Variants in TRMT10A observed in about 807,000 individuals in gnomAD.
The protein encoded by TRMT10A is tRNA methyltransferase 10A, also known as tRNA methyltransferase 10 homolog A.
In TRMT10A, 37 loss-of-function variants were observed where a neutral mutation model predicts 40.4. That is an observed-to-expected ratio of 0.92 (90% CI 0.71 to 1.21). The LOEUF (loss-of-function observed/expected upper bound fraction) is 1.21, where lower values mean the gene tolerates loss of function less well. TRMT10A is among the 50% of genes most tolerant of loss of function. The pLI is 0.00. For missense variants in TRMT10A, 388 were observed against 404.3 expected, an observed-to-expected ratio of 0.96 and a Z score of 0.35; for synonymous variants, 103 against 134.1, an observed-to-expected ratio of 0.77 and a Z score of 1.60.
intron 6 of TRMT10A, among the ~76,000 whole-genome samples, chr4:99,553,399 A>T (rs750362975): frequency 1.3e-5 from 2 of 152,222 alleles, no homozygotes; most frequent in African/African-American, 2.4e-5. Context: ...AACTAGTTTA[A>T]GTTCCAATGG....
chr4:99,548,860 A>C lies in TRMT10A; in HGVS notation c.*228T>G. On this transcript the variant is annotated 3_prime_UTR_variant, in exon 8 of 8. Coordinates refer to ENST00000394876, the MANE Select transcript of TRMT10A (RefSeq NM_001134665.3). The stretch of plus-strand genomic sequence containing the variant: ...AAACTACTGAGGCTTTAAAAACAAA[A>C]ACAAAAAAAATCACATACACATTTA... The C allele has an allele frequency of 2.5e-6, 1 of 398,188 alleles. No individual in the cohort carries two copies. The highest frequency in any genetic ancestry group is 4.3e-6 in the Non-Finnish European group (1 of 230,158). The allele number at this position is 398,188 out of a possible 1,614,324, so 24.7% of individuals were successfully genotyped here. A position where few individuals can be genotyped will look rare whatever the true frequency, so the allele number is the denominator to read the frequency against.
chr4:99,549,017 A>T lies in TRMT10A; in HGVS notation c.*71T>A. 2 of 1,410,330 alleles carry T rather than the reference A, an allele frequency of 1.4e-6. No homozygotes were observed. Among genetic ancestry groups the T allele is most frequent in the Non-Finnish European group, 1.9e-6 (2 of 1,062,380 alleles). 87.4% of individuals were successfully genotyped at this position (1,410,330 alleles called of 1,614,324 possible). The stretch of plus-strand genomic sequence containing the variant: ...ATAAGAGAAAATAAAATGTTCTTCC[A>T]ATTTCAATATTCTATATAGCACCTC... On this transcript the variant is annotated 3_prime_UTR_variant, in exon 8 of 8. Transcript: ENST00000394876.
chr4:99,549,018 A>G lies in TRMT10A; in HGVS notation c.*70T>C, dbSNP rs180870436. ...TAAGAGAAAATAAAATGTTCTTCCA[A>G]TTTCAATATTCTATATAGCACCTCA... On this transcript the variant is annotated 3_prime_UTR_variant, in exon 8 of 8. Coordinates refer to ENST00000394876, the MANE Select transcript of TRMT10A (RefSeq NM_001134665.3). The G allele has an allele frequency of 4.3e-5, 61 of 1,414,634 alleles. No homozygotes were observed. In the Admixed American group the frequency reaches 1.2e-3, roughly 28 times the overall value. The allele number at this position is 1,414,634 out of a possible 1,614,324, so 87.6% of individuals were successfully genotyped here. A position where few individuals can be genotyped will look rare whatever the true frequency, so the allele number is the denominator to read the frequency against.
chr4:99,559,703 CA>C (rs1290804610), intron 1 of TRMT10A, among the ~76,000 whole-genome samples: 17 of 151,996 alleles, frequency 1.1e-4, no homozygotes, highest in Non-Finnish European at 2.4e-4. Context: ...GAAATGCACA[CA>C]AAAATGTGCA....
At chr4:99,552,916 G>T (rs989866073) in intron 6 of TRMT10A, among the ~76,000 whole-genome samples, 7 of 151,892 alleles carry the variant, frequency 4.6e-5, no homozygotes, top group African/African-American at 1.7e-4. Context: ...AATAATAATA[G>T]ATTGAAGCAG....
chr4:99,559,532 A>T (rs1179525426), intron 1 of TRMT10A, among the ~76,000 whole-genome samples, 171 bp from the exon 2 acceptor site: 1 of 152,216 alleles, frequency 6.6e-6, no homozygotes, highest in Non-Finnish European at 1.5e-5. Flanking sequence ...ATATTCAGCA[A>T]TGCTAGTAAA....
chr4:99,556,018 T>A (rs1724147991), intron 5 of TRMT10A, 128 bp downstream of exon 5: 1 of 745,240 alleles, frequency 1.3e-6, no homozygotes. Context: ...ATCTTAGACT[T>A]AGGTTCAGAG....
chr4:99,554,070 G>T, intron 5 of TRMT10A, 136 bp from the exon 6 acceptor site: 1 of 831,752 alleles, frequency 1.2e-6, no homozygotes, highest in Non-Finnish European at 1.8e-6. Context: ...TAATTACAAT[G>T]CATTATTTTG....
chr4:99,555,797 G>A (rs1724139713), intron 5 of TRMT10A, among the ~76,000 whole-genome samples: 2 of 152,156 alleles, frequency 1.3e-5, no homozygotes, highest in South Asian at 4.2e-4. Context: ...ACAGAATGCA[G>A]GCACACTTCC....
intron 4 of TRMT10A, 48 bp from the exon 5 acceptor site, chr4:99,556,268 A>G: frequency 6.7e-7 from 1 of 1,491,840 alleles, no homozygotes; most frequent in Non-Finnish European, 9.3e-7. Context: ...ATGACCATTT[A>G]AGTCTAATAT....
rs115724578 is a variant in TRMT10A, at chr4:99,553,108, G to A, written c.645+677C>T. 1.6e-3 allele frequency among the ~76,000 whole-genome samples: 248 copies of A among 152,244 alleles called. 2 individuals are homozygous for A. The highest frequency in any genetic ancestry group is 5.8e-3 in the African/African-American group (241 of 41,544). On this transcript the variant is annotated intron_variant, in intron 6 of 7. Coordinates refer to ENST00000394876, the MANE Select transcript of TRMT10A (RefSeq NM_001134665.3). ...GCAACTGTCCAATTGGTAGCCATGT[G>A]TGACTACTTAAATTTAAATTGATTA...
chr4:99,556,060 A>G (rs991309982), intron 5 of TRMT10A, 86 bp downstream of exon 5: 6 of 1,198,746 alleles, frequency 5.0e-6, no homozygotes, highest in Non-Finnish European at 6.0e-6. Context: ...ATTAAGTAGC[A>G]TTATATAGAA....
chr4:99,562,515 C>CTTTTTTTTT (rs67816425), intron 1 of TRMT10A, among the ~76,000 whole-genome samples: 1 of 76,642 alleles, frequency 1.3e-5, no homozygotes, highest in Non-Finnish European at 2.4e-5. Flanking sequence ...AAAGGAATGC[C>CTTTTTTTTT]TTTTTTTTTT....
At chr4:99,552,303 T>C (rs2110184822) in intron 6 of TRMT10A, among the ~76,000 whole-genome samples, 1 of 152,312 alleles carries the variant, frequency 6.6e-6, no homozygotes, top group Non-Finnish European at 1.5e-5. Flanking sequence ...CCTATACATG[T>C]ATACCACGTA....
Position 99,559,105 on chromosome 4 carries a change from T to C in TRMT10A, c.185+49A>G, listed in dbSNP as rs113978963. 606 of 1,549,606 alleles carry C rather than the reference T, an allele frequency of 3.9e-4. 4 individuals are homozygous for C. The African/African-American group carries it at 6.8e-3, about 17-fold the overall frequency. The stretch of plus-strand genomic sequence containing the variant: ...CCAAAGGGCTATGCAAGGTTTAACA[T>C]TGCATATCTCTAAATAGGAAGAGAG... On this transcript the variant is annotated intron_variant, in intron 2 of 7. Coordinates refer to ENST00000394876, the MANE Select transcript of TRMT10A (RefSeq NM_001134665.3).
At chr4:99,563,756 C>G in intron 1 of TRMT10A, 157 bp downstream of exon 1, 1 of 450,786 alleles carries the variant, frequency 2.2e-6, no homozygotes, top group Non-Finnish European at 4.3e-6. Flanking sequence ...GACGTCATTT[C>G]CTTCAGCAAG....
chr4:99,548,900 A>G lies in TRMT10A; in HGVS notation c.*188T>C, dbSNP rs527795633. On this transcript the variant is annotated 3_prime_UTR_variant, in exon 8 of 8. Coordinates refer to ENST00000394876, the MANE Select transcript of TRMT10A (RefSeq NM_001134665.3). Reference sequence around the variant, plus strand: ...ATACACATTTAAATCTTCTTACGCAAAATCAAAAAATATTTCCTTACAAAG... The same window carrying G: ...ATACACATTTAAATCTTCTTACGCAGAATCAAAAAATATTTCCTTACAAAG... The G allele has an allele frequency of 1.8e-6, 1 of 558,810 alleles. No individual in the cohort carries two copies. Among genetic ancestry groups the G allele is most frequent in the East Asian group, 3.2e-5 (1 of 31,436 alleles). The allele number at this position is 558,810 out of a possible 1,614,324, so 34.6% of individuals were successfully genotyped here.
intron 7 of TRMT10A, 44 bp downstream of exon 7, chr4:99,550,832 CTTTCTCACA>C: frequency 7.7e-7 from 1 of 1,290,412 alleles, no homozygotes; most frequent in Non-Finnish European, 1.1e-6. Context: ...ATGTAATATT[CTTTCTCACA>C]ATGTTCGCTC....
chr4:99,557,789 T>C lies in TRMT10A; in HGVS notation c.348+260A>G, dbSNP rs900962732. ...GATCAATAAGTAGTTAATTTAGTTC[T>C]GTCATCTAGACTACAAAGTGTGTGT... On this transcript the variant is annotated intron_variant, in intron 3 of 7. Transcript: ENST00000394876. 5 of 434,160 alleles carry C rather than the reference T, an allele frequency of 1.2e-5. No homozygotes were observed. In the Admixed American group the frequency reaches 1.6e-4, roughly 14 times the overall value. The allele number at this position is 434,160 out of a possible 1,614,324, so 26.9% of individuals were successfully genotyped here. A position where few individuals can be genotyped will look rare whatever the true frequency, so the allele number is the denominator to read the frequency against.
Sources: allele counts gnomAD v4.1 joint callset (sites outside exome capture counted in the v4.1 genomes callset), GRCh38; gene constraint gnomAD v4.1.1; transcripts MANE v1.5; gene names NCBI Gene and HGNC (gene_info 2026-07-23, HGNC 2026-07-21).